CACNA2D1: variants seen among roughly 807,000 people sequenced by gnomAD.
CACNA2D1 encodes the protein calcium voltage-gated channel auxiliary subunit alpha2delta 1, also known as voltage-dependent calcium channel subunit alpha-2/delta-1.
CACNA2D1 carries 53 observed loss-of-function variants against 171.5 expected under a neutral mutation model. The ratio of observed to expected loss-of-function variants is 0.31; its 90% CI spans 0.25 to 0.39. CACNA2D1 has a LOEUF of 0.39. Among genes scored for constraint, CACNA2D1 ranks in the 10% least tolerant of loss-of-function variants. The pLI is 1.00. For missense variants in CACNA2D1, 903 were observed against 1,299.8 expected, an observed-to-expected ratio of 0.69 and a Z score of 4.69; for synonymous variants, 442 against 443.1, an observed-to-expected ratio of 1.00 and a Z score of 0.03.
At chr7:81,954,671 C>G (rs1026880026) in intron 38 of CACNA2D1, among the ~76,000 whole-genome samples, 1 of 152,018 alleles carries the variant, frequency 6.6e-6, no homozygotes, top group African/African-American at 2.4e-5. Flanking sequence ...GGTCATTTGG[C>G]TAAAAGGTTT....
At chr7:81,975,297 T>A (rs1795722798) in intron 24 of CACNA2D1, among the ~76,000 whole-genome samples, 2 of 152,156 alleles carry the variant, frequency 1.3e-5, no homozygotes. Flanking sequence ...ATCTTAAAGT[T>A]CATTACATGT....
intron 3 of CACNA2D1, among the ~76,000 whole-genome samples, chr7:82,288,732 T>C (rs1453161283): frequency 6.6e-6 from 1 of 152,208 alleles, no homozygotes; most frequent in Non-Finnish European, 1.5e-5. Context: ...CAGCTGCCTA[T>C]GGTTTTATGC....
chr7:82,226,847 AAAG>A (rs1482127550), intron 3 of CACNA2D1, among the ~76,000 whole-genome samples: 1 of 152,144 alleles, frequency 6.6e-6, no homozygotes, highest in Non-Finnish European at 1.5e-5. Context: ...TTTCCTTCTA[AAAG>A]AAGAATCAGG....
rs369818271 is a variant in CACNA2D1, at chr7:82,064,372, A to G, written c.729-18T>C. On this transcript the variant is annotated intron_variant, in intron 8 of 38. Transcript: ENST00000356860. The stretch of plus-strand genomic sequence containing the variant: ...GGATGTACCTGAAACAAATATTGTA[A>G]TAAATGCTTTTCTCTTCCAAAATAT... 1.3e-6 allele frequency: 2 copies of G among 1,574,956 alleles called. No individual in the cohort carries two copies. The highest frequency in any genetic ancestry group is 1.7e-6 in the Non-Finnish European group (2 of 1,145,646).
At chr7:82,235,236 G>A (rs77242802) in intron 3 of CACNA2D1, among the ~76,000 whole-genome samples, 1,600 of 151,914 alleles carry the variant, frequency 0.011, 22 homozygotes, top group African/African-American at 0.036. Flanking sequence ...TGGTACATTC[G>A]GCAAAATAAA....
rs550638157 is a variant in CACNA2D1 at position 82,346,184 on chromosome 7, A to G, written c.177+3384T>C. ...ATGGAAGCCCCATGCTAAGGATGGC[A>G]GAGTCACCCTGCCAGTCCTAGATGG... On this transcript the variant is annotated intron_variant, in intron 2 of 38. Coordinates refer to ENST00000356860, the MANE Select transcript of CACNA2D1 (RefSeq NM_000722.4). Among the ~76,000 whole-genome samples the G allele has an allele frequency of 1.6e-4, 25 of 152,318 alleles. No individual in the cohort carries two copies. The South Asian group carries it at 5.2e-3, about 32-fold the overall frequency.
At chr7:82,363,528 G>A (rs1394791171) in intron 1 of CACNA2D1, among the ~76,000 whole-genome samples, 1 of 151,896 alleles carries the variant, frequency 6.6e-6, no homozygotes, top group Non-Finnish European at 1.5e-5. Flanking sequence ...GCCTCCCAAA[G>A]TGCTGGGATT....
intron 3 of CACNA2D1, among the ~76,000 whole-genome samples, chr7:82,185,906 C>T (rs910395200): frequency 2.0e-4 from 31 of 151,970 alleles, no homozygotes; most frequent in African/African-American, 7.0e-4. Context: ...CCTGTAGTCC[C>T]AGCACTTTGG....
intron 5 of CACNA2D1, among the ~76,000 whole-genome samples, chr7:82,134,116 C>G (rs1791335691): frequency 6.6e-6 from 1 of 151,808 alleles, no homozygotes; most frequent in African/African-American, 2.4e-5. Context: ...CATATATGTT[C>G]ATGAGAAAAT....
At chr7:82,138,984 A>T (rs1792038097) in intron 4 of CACNA2D1, among the ~76,000 whole-genome samples, 1 of 152,132 alleles carries the variant, frequency 6.6e-6, no homozygotes, top group South Asian at 2.1e-4. Context: ...GCTTATATTA[A>T]CAGAATGGGA....
chr7:82,390,954 CT>C (rs1055649382), intron 1 of CACNA2D1, among the ~76,000 whole-genome samples: 5 of 152,058 alleles, frequency 3.3e-5, no homozygotes, highest in South Asian at 4.1e-4. Context: ...CATTCACCTC[CT>C]TTTTTTCCCC....
At chr7:81,993,935 C>T (rs1177984345) in intron 20 of CACNA2D1, among the ~76,000 whole-genome samples, 3 of 151,960 alleles carry the variant, frequency 2.0e-5, no homozygotes, top group Admixed American at 6.6e-5. Flanking sequence ...GAAGTTTCAA[C>T]AAAGACTGAA....
chr7:82,363,289 G>A (rs1174881938), intron 1 of CACNA2D1, among the ~76,000 whole-genome samples: 5 of 92,288 alleles, frequency 5.4e-5, no homozygotes, highest in South Asian at 3.5e-4. Context: ...TTTTTGAGAC[G>A]GAGTCTCACT....
intron 15 of CACNA2D1, among the ~76,000 whole-genome samples, chr7:82,010,593 T>TGACCACA (rs1799671082): frequency 6.6e-6 from 1 of 152,154 alleles, no homozygotes; most frequent in African/African-American, 2.4e-5. Flanking sequence ...TGCAACATTT[T>TGACCACA]GACCACAGCT....
chr7:81,957,809 T>C (rs552585244), intron 38 of CACNA2D1, among the ~76,000 whole-genome samples: 1 of 152,240 alleles, frequency 6.6e-6, no homozygotes, highest in Non-Finnish European at 1.5e-5. Context: ...TGCTGAACAT[T>C]TTTGTCTTGG....
At chr7:82,226,654 T>A (rs979552448) in intron 3 of CACNA2D1, among the ~76,000 whole-genome samples, 10 of 152,002 alleles carry the variant, frequency 6.6e-5, no homozygotes, top group African/African-American at 1.9e-4. Context: ...TTAGAACTGA[T>A]CCATAGATGA....
chr7:82,431,903 T>C (rs1829714402), intron 1 of CACNA2D1, among the ~76,000 whole-genome samples: 1 of 151,698 alleles, frequency 6.6e-6, no homozygotes, highest in Non-Finnish European at 1.5e-5. Flanking sequence ...CCGGGCATGG[T>C]GGCACGCACC....
chr7:82,153,653 C>G (rs1227069029), intron 4 of CACNA2D1, among the ~76,000 whole-genome samples: 1 of 152,044 alleles, frequency 6.6e-6, no homozygotes, highest in Admixed American at 6.6e-5. Context: ...AAGCTTTTAA[C>G]TATAGCTTCG....
intron 5 of CACNA2D1, among the ~76,000 whole-genome samples, chr7:82,120,438 T>C (rs1330982675): frequency 6.6e-6 from 1 of 152,226 alleles, no homozygotes; most frequent in Non-Finnish European, 1.5e-5. Context: ...TTTGGATATG[T>C]AATATGCCTT....
Sources: gnomAD v4.1 joint callset for allele counts (sites outside exome capture counted in the v4.1 genomes callset) on GRCh38, gnomAD v4.1.1 for gene constraint, MANE v1.5 for transcripts, NCBI Gene and HGNC (gene_info 2026-07-23, HGNC 2026-07-21) for gene names.